The following CACHD1 variants were observed in gnomAD, a reference collection of about 807,000 sequenced individuals.
CACHD1 encodes the protein VWFA and cache domain-containing protein 1.
Under a neutral mutation model 138.7 loss-of-function variants are expected in CACHD1, and 71 were observed. The observed-to-expected ratio is 0.51, with a 90% confidence interval of 0.42 to 0.62. CACHD1 has a LOEUF of 0.62. Ranked by LOEUF, CACHD1 falls within the 20% of genes least tolerant of loss-of-function variation. CACHD1 has a pLI of 0.00. For missense variants in CACHD1, 1,389 were observed against 1,625.3 expected (o/e 0.85, Z 2.50); for synonymous variants, 578 against 591.5 (o/e 0.98, Z 0.33).
intron 4 of CACHD1, among the ~76,000 whole-genome samples, chr1:64,603,625 G>A (rs190660167): frequency 6.0e-4 from 91 of 152,248 alleles, no homozygotes; most frequent in Middle Eastern, 3.4e-3. Flanking sequence ...AATGCTGTGA[G>A]AGCTTTTCTA....
chr1:64,531,328 T>C (rs935974121), intron 1 of CACHD1, among the ~76,000 whole-genome samples: 7 of 152,214 alleles, frequency 4.6e-5, no homozygotes, highest in South Asian at 4.1e-4. Flanking sequence ...TTGCATAGTG[T>C]TTGTGGATTC....
intron 4 of CACHD1, among the ~76,000 whole-genome samples, chr1:64,610,788 T>A (rs993501213): frequency 3.3e-5 from 5 of 152,256 alleles, no homozygotes; most frequent in African/African-American, 1.2e-4. Context: ...TTCTCAAAAC[T>A]TTGCTAGGCA....
At chr1:64,523,736 T>C (rs1646515310) in intron 1 of CACHD1, among the ~76,000 whole-genome samples, 1 of 152,218 alleles carries the variant, frequency 6.6e-6, no homozygotes, top group Non-Finnish European at 1.5e-5. Context: ...AAAATGTAAG[T>C]TGACATATAA....
At chr1:64,509,927 A>G (rs997296604) in intron 1 of CACHD1, among the ~76,000 whole-genome samples, 4 of 127,922 alleles carry the variant, frequency 3.1e-5, no homozygotes, top group Non-Finnish European at 6.7e-5. Flanking sequence ...TCAGAAAAAC[A>G]TATTTTTTAA....
intron 2 of CACHD1, among the ~76,000 whole-genome samples, chr1:64,572,201 T>C (rs1646931994): frequency 6.6e-6 from 1 of 152,208 alleles, no homozygotes; most frequent in African/African-American, 2.4e-5. Flanking sequence ...ATTCTGTGGC[T>C]CCTGCTCTCT....
rs547796430 is a variant in CACHD1, at chr1:64,586,543, A to G, written c.410+4239A>G. The stretch of plus-strand genomic sequence containing the variant: ...CTAGGGAGATTTGGTTTTGAATCTC[A>G]TGAACTCATATGTGGACCTTTGGAA... On this transcript the variant is annotated intron_variant, in intron 3 of 26. Coordinates refer to ENST00000651257, the MANE Select transcript of CACHD1 (RefSeq NM_020925.4). Among the ~76,000 whole-genome samples, 4 of 152,288 alleles carry G rather than the reference A, an allele frequency of 2.6e-5. No homozygotes were observed. The South Asian group carries it at 8.3e-4, about 32-fold the overall frequency.
At chr1:64,473,717 A>T (rs953816298) in intron 1 of CACHD1, among the ~76,000 whole-genome samples, 12 of 152,224 alleles carry the variant, frequency 7.9e-5, no homozygotes, top group Admixed American at 2.0e-4. Flanking sequence ...GAAACATTCT[A>T]TAGGCCTCTT....
intron 1 of CACHD1, among the ~76,000 whole-genome samples, chr1:64,485,508 A>G (rs558893235): frequency 2.0e-5 from 3 of 152,338 alleles, no homozygotes; most frequent in South Asian, 4.1e-4. Flanking sequence ...GCTGAGTACC[A>G]TTCTGTTGTA....
rs371764187 is a variant in CACHD1 at position 64,675,580 on chromosome 1, A to G, written c.2888+19A>G. 1.5e-3 allele frequency: 2,448 copies of G among 1,598,634 alleles called. 60 individuals carry two copies. In the South Asian group the frequency reaches 0.025, roughly 16 times the overall value. ...GTCACCGGTAAAAATGCAATGGGTC[A>G]TATTCTGTGTTCACCACACTGTTTA... On this transcript the variant is annotated intron_variant, in intron 20 of 26. Coordinates refer to ENST00000651257, the MANE Select transcript of CACHD1 (RefSeq NM_020925.4).
intron 8 of CACHD1, among the ~76,000 whole-genome samples, chr1:64,645,581 G>A (rs1648876649): frequency 6.6e-6 from 1 of 152,152 alleles, no homozygotes; most frequent in Admixed American, 6.6e-5. Flanking sequence ...ACCCAAGATG[G>A]GGAGGTGACA....
chr1:64,562,576 AT>A (rs56286973), intron 2 of CACHD1, among the ~76,000 whole-genome samples: 18,941 of 134,130 alleles, frequency 0.14, 2,517 homozygotes, highest in African/African-American at 0.38. Flanking sequence ...CACCTGGCTA[AT>A]TTTTTTTTTT....
chr1:64,504,059 C>G (rs547425429), intron 1 of CACHD1, among the ~76,000 whole-genome samples: 1 of 152,264 alleles, frequency 6.6e-6, no homozygotes, highest in South Asian at 2.1e-4. Context: ...GACAGGGTCT[C>G]ACTCTGTCAC....
At chr1:64,570,994 C>T (rs1646923494) in intron 2 of CACHD1, among the ~76,000 whole-genome samples, 1 of 152,126 alleles carries the variant, frequency 6.6e-6, no homozygotes, top group Admixed American at 6.5e-5. Context: ...ACCCCAAAAT[C>T]TCAAGAGTTG....
At chr1:64,605,627 G>T (rs1570410117) in intron 4 of CACHD1, among the ~76,000 whole-genome samples, 1 of 152,300 alleles carries the variant, frequency 6.6e-6, no homozygotes, top group East Asian at 1.9e-4. Context: ...GGAAAGGGCA[G>T]GCTTGGGCAG....
At chr1:64,551,251 A>G (rs1646756907) in intron 2 of CACHD1, among the ~76,000 whole-genome samples, 1 of 142,056 alleles carries the variant, frequency 7.0e-6, no homozygotes, top group African/African-American at 2.6e-5. Context: ...CTCCCCTCCC[A>G]TCTTCTTTCA....
At chr1:64,523,383 T>A (rs1257834843) in intron 1 of CACHD1, among the ~76,000 whole-genome samples, 1 of 152,242 alleles carries the variant, frequency 6.6e-6, no homozygotes, top group Admixed American at 6.5e-5. Flanking sequence ...TCTAGGGGGT[T>A]GTTTTTAATA....
chr1:64,593,933 T>A (rs932421734), intron 3 of CACHD1, among the ~76,000 whole-genome samples: 1 of 152,182 alleles, frequency 6.6e-6, no homozygotes, highest in African/African-American at 2.4e-5. Flanking sequence ...AAACTGTCTC[T>A]GCCCACCTCC....
In CACHD1 at chr1:64,691,792, T is replaced by C; in HGVS notation, c.*231T>C. 1 of 547,864 alleles carries C rather than the reference T, an allele frequency of 1.8e-6. No individual in the cohort carries two copies. The highest frequency in any genetic ancestry group is 3.3e-6 in the Non-Finnish European group (1 of 304,340). The allele number at this position is 547,864 out of a possible 1,614,324, so 33.9% of individuals were successfully genotyped here. On this transcript the variant is annotated 3_prime_UTR_variant, in exon 27 of 27. Transcript: ENST00000651257. ...TTCTGAAATGGAGGGGAAATAAGCCTGATGAACAGACCTGCCATAACACTA... is the reference window on the plus strand; with the variant it reads ...TTCTGAAATGGAGGGGAAATAAGCCCGATGAACAGACCTGCCATAACACTA...
In CACHD1 at chr1:64,678,238, GC is replaced by G. The variant is rs1557553605; in HGVS notation, c.3178del (p.Gln1060ArgfsTer22). ...GACTCACCTGGACAAACCCTACTGTGCCCCCCAGAAAGAATGCTTCGGGGGG... is the reference window on the plus strand; with the variant it reads ...GACTCACCTGGACAAACCCTACTGTGCCCCCAGAAAGAATGCTTCGGGGGG... ...GKTHLDKPYC[A>X]PQKECFGGIV... On this transcript the variant is annotated frameshift_variant, in exon 23 of 27. Transcript: ENST00000651257. LOFTEE classifies it high-confidence loss of function. 4 of 1,611,714 alleles carry G rather than the reference GC, an allele frequency of 2.5e-6. No homozygotes were observed. The highest frequency in any genetic ancestry group is 2.2e-5 in the East Asian group (1 of 44,742).
Sources: allele counts gnomAD v4.1 joint callset (sites outside exome capture counted in the v4.1 genomes callset), GRCh38; gene constraint gnomAD v4.1.1; transcripts MANE v1.5; gene names NCBI Gene and HGNC (gene_info 2026-07-23, HGNC 2026-07-21).